The following BBS9 variants were observed in gnomAD, a reference collection of about 807,000 sequenced individuals.
BBS9 encodes protein PTHB1.
In BBS9, 89 loss-of-function variants were observed where a neutral mutation model predicts 117.7. The observed-to-expected ratio is 0.76, with a 90% CI of 0.64 to 0.90. The LOEUF (loss-of-function observed/expected upper bound fraction) is 0.90, where lower values mean the gene tolerates loss of function less well. Among genes scored for constraint, BBS9 ranks in the 40% least tolerant of loss-of-function variants. The pLI is 0.00. For missense variants in BBS9, 982 were observed against 1,042.2 expected (o/e 0.94, Z 0.80); for synonymous variants, 379 against 370.9 (o/e 1.02, Z -0.25).
In BBS9 at chr7:33,527,618, C is replaced by T. The variant is rs540219100; in HGVS notation, c.2299-6336C>T. On this transcript the variant is annotated intron_variant, in intron 20 of 22. Transcript: ENST00000242067. ...GCCCTGCTTCGGCTCGCGCACGGTG[C>T]GCACACCCACTGACCTGCGCCCACT... Among the ~76,000 whole-genome samples, 60 of 152,318 alleles carry T rather than the reference C, an allele frequency of 3.9e-4. 1 individual carries two copies. In the Middle Eastern group the frequency reaches 0.01, roughly 26 times the overall value.
intron 12 of BBS9, among the ~76,000 whole-genome samples, chr7:33,345,146 G>T (rs1435966207): frequency 6.6e-6 from 1 of 152,172 alleles, no homozygotes; most frequent in Non-Finnish European, 1.5e-5. Flanking sequence ...AATATTGAAT[G>T]AAGATGCCAC....
At chr7:33,402,652 A>T (rs934146935) in intron 19 of BBS9, among the ~76,000 whole-genome samples, 5 of 152,190 alleles carry the variant, frequency 3.3e-5, no homozygotes, top group African/African-American at 1.2e-4. Context: ...TTTGAGGTTC[A>T]TCTATCAGTT....
intron 19 of BBS9, among the ~76,000 whole-genome samples, chr7:33,467,569 T>A (rs370444870): frequency 1.0e-4 from 13 of 127,770 alleles, no homozygotes; most frequent in Admixed American, 6.0e-4. Context: ...ACCCCCCAAC[T>A]CCGCCACCTC....
chr7:33,394,184 CCA>C (rs1827561171), intron 19 of BBS9, among the ~76,000 whole-genome samples: 1 of 152,100 alleles, frequency 6.6e-6, no homozygotes. Context: ...CAGTTGTCCA[CCA>C]CAGTTTCAGT....
chr7:33,563,497 A>C (rs1007473739), intron 21 of BBS9, among the ~76,000 whole-genome samples: 3 of 152,214 alleles, frequency 2.0e-5, no homozygotes, highest in African/African-American at 7.2e-5. Flanking sequence ...ATCCGAAATA[A>C]GGACATTTGA....
At chr7:33,259,454 A>G (rs1562892233) in intron 6 of BBS9, among the ~76,000 whole-genome samples, 1 of 152,102 alleles carries the variant, frequency 6.6e-6, no homozygotes, top group Non-Finnish European at 1.5e-5. Context: ...CATCATTGTA[A>G]ATTTTTACTC....
At chr7:33,336,948 A>G (rs1042895968) in intron 10 of BBS9, among the ~76,000 whole-genome samples, 3 of 152,190 alleles carry the variant, frequency 2.0e-5, no homozygotes, top group Non-Finnish European at 4.4e-5. Flanking sequence ...GAGCATTAAA[A>G]TTTAGAGTGG....
intron 9 of BBS9, 22 bp from the exon 10 acceptor site, chr7:33,336,419 C>A: frequency 6.2e-7 from 1 of 1,600,504 alleles, no homozygotes; most frequent in Non-Finnish European, 8.6e-7. Context: ...AATTATGTCT[C>A]ATTTTCTCTT....
intron 7 of BBS9, among the ~76,000 whole-genome samples, chr7:33,267,779 C>G (rs1444001525): frequency 2.0e-5 from 3 of 151,986 alleles, no homozygotes; most frequent in Non-Finnish European, 4.4e-5. Flanking sequence ...TATGTATTTA[C>G]CCATGTAGGT....
At chr7:33,460,907 AC>A (rs1298384118) in intron 19 of BBS9, among the ~76,000 whole-genome samples, 1 of 151,970 alleles carries the variant, frequency 6.6e-6, no homozygotes, top group African/African-American at 2.4e-5. Flanking sequence ...ATTTCCCTAG[AC>A]CCTGGCAACT....
chr7:33,382,920 A>G (rs1470754814), intron 17 of BBS9, among the ~76,000 whole-genome samples: 1 of 152,078 alleles, frequency 6.6e-6, no homozygotes, highest in African/African-American at 2.4e-5. Context: ...TCTGTGCTTT[A>G]TTTTCCTTTG....
At chr7:33,413,798 G>C (rs910808449) in intron 19 of BBS9, among the ~76,000 whole-genome samples, 1 of 152,140 alleles carries the variant, frequency 6.6e-6, no homozygotes, top group Non-Finnish European at 1.5e-5. Flanking sequence ...GAGGCAGGCA[G>C]ATCACCTGAG....
intron 19 of BBS9, among the ~76,000 whole-genome samples, chr7:33,465,059 T>C (rs1445697090): frequency 6.6e-6 from 1 of 151,982 alleles, no homozygotes; most frequent in Non-Finnish European, 1.5e-5. Context: ...TCAGATATTA[T>C]AATTTAATTG....
chr7:33,385,923 G>A (rs916356642), intron 18 of BBS9, among the ~76,000 whole-genome samples: 1 of 152,070 alleles, frequency 6.6e-6, no homozygotes, highest in Admixed American at 6.5e-5. Flanking sequence ...GCTACTGAGT[G>A]CTTCTAAAGA....
chr7:33,516,996 A>G (rs1490348853), intron 20 of BBS9, among the ~76,000 whole-genome samples: 6 of 152,228 alleles, frequency 3.9e-5, no homozygotes, highest in Admixed American at 3.9e-4. Context: ...ATAAAAATCT[A>G]GCTTGTATTG....
intron 15 of BBS9, among the ~76,000 whole-genome samples, chr7:33,353,698 A>C (rs11981139): frequency 2.3e-3 from 348 of 152,204 alleles, no homozygotes; most frequent in African/African-American, 8.2e-3. Flanking sequence ...TTAAATAAAT[A>C]TAATGAAATG....
At chr7:33,345,694 C>G (rs924878099) in intron 12 of BBS9, among the ~76,000 whole-genome samples, 1 of 152,114 alleles carries the variant, frequency 6.6e-6, no homozygotes, top group Non-Finnish European at 1.5e-5. Context: ...GCATTAGTGG[C>G]AAGAAATCAA....
chr7:33,177,791 C>G (rs1429993078), intron 5 of BBS9, 200 bp downstream of exon 5: 6 of 575,018 alleles, frequency 1.0e-5, no homozygotes, highest in Non-Finnish European at 1.9e-5. Flanking sequence ...ATCTTGGAAG[C>G]TAATCAGGGT....
At chr7:33,143,069 A>G (rs1791768124) in intron 1 of BBS9, among the ~76,000 whole-genome samples, 1 of 152,030 alleles carries the variant, frequency 6.6e-6, no homozygotes. Flanking sequence ...TCCCAGGTTC[A>G]TGGCATTCTC....
Sources: allele counts gnomAD v4.1 joint callset (sites outside exome capture counted in the v4.1 genomes callset), GRCh38; gene constraint gnomAD v4.1.1; transcripts MANE v1.5; gene names NCBI Gene and HGNC (gene_info 2026-07-23, HGNC 2026-07-21).